The following TBL1Y variants were observed in gnomAD, a reference collection of about 807,000 sequenced individuals.
The protein encoded by TBL1Y is transducin beta like 1 Y-linked, also known as F-box-like/WD repeat-containing protein TBL1Y.
Under a neutral mutation model 12.0 loss-of-function variants are expected in TBL1Y, and 15 were observed. The ratio of observed to expected loss-of-function variants is 1.25; its 90% CI spans 0.83 to 1.92. The LOEUF (loss-of-function observed/expected upper bound fraction) is 1.92. TBL1Y is among the 40% of genes most tolerant of loss of function. The pLI is 0.00. For synonymous variants in TBL1Y, 53 were observed against 42.6 expected (o/e 1.24, Z -0.95); for missense variants, 148 against 116.7 (o/e 1.27, Z -1.24).
intron 4 of TBL1Y, among the ~76,000 whole-genome samples, chrY:6,997,512 A>G (rs1055913067): frequency 5.9e-5 from 2 of 34,099 alleles, no homozygotes; most frequent in Non-Finnish European, 1.5e-4. Flanking sequence ...TTCTTCTAAG[A>G]AAAAATGTCA....
intron 13 of TBL1Y, among the ~76,000 whole-genome samples, chrY:7,080,051 G>GTT (rs1466829965): frequency 7.7e-4 from 3 of 3,919 alleles, no homozygotes; most frequent in Admixed American, 2.4e-3. Context: ...GGGACTGTTT[G>GTT]TTTTTTTTTT....
In TBL1Y at chrY:7,037,739, G is replaced by A. The variant is rs750803848; in HGVS notation, c.59-5241G>A. ...GGCCTGTGGGCCTCAGTTTGCAAACGCATGATGTAGACAATTTAGGAATAG... is the reference window on the plus strand; with the variant it reads ...GGCCTGTGGGCCTCAGTTTGCAAACACATGATGTAGACAATTTAGGAATAG... On this transcript the variant is annotated intron_variant, in intron 6 of 18. Coordinates refer to ENST00000383032, the MANE Select transcript of TBL1Y (RefSeq NM_033284.2). Among the ~76,000 whole-genome samples, 23 of 34,252 alleles carry A rather than the reference G, an allele frequency of 6.7e-4. No individual in the cohort carries two copies. In the South Asian group the frequency reaches 0.015, roughly 22 times the overall value. The allele number at this position is 34,252 out of a possible 37,273, so 91.9% of individuals were successfully genotyped here.
intron 6 of TBL1Y, among the ~76,000 whole-genome samples, chrY:7,036,472 G>T (rs923392068): frequency 1.2e-4 from 4 of 33,675 alleles, no homozygotes; most frequent in African/African-American, 4.6e-4. Flanking sequence ...TGCTGTGAAG[G>T]AGGGCATGCT....
chrY:7,056,674 C>T (rs2124168833), intron 7 of TBL1Y, among the ~76,000 whole-genome samples: 1 of 33,219 alleles, frequency 3.0e-5, no homozygotes, highest in Non-Finnish European at 7.4e-5. Context: ...TTTGACATTC[C>T]GAACAGTGGT....
chrY:6,924,564 G>T, intron 2 of TBL1Y, among the ~76,000 whole-genome samples: 1 of 25,799 alleles, frequency 3.9e-5, no homozygotes, highest in Non-Finnish European at 9.1e-5. Flanking sequence ...CTCCAGTCTG[G>T]GCGACAGAGT....
At chrY:6,946,227 T>C (rs1027972827) in intron 2 of TBL1Y, among the ~76,000 whole-genome samples, 1 of 33,899 alleles carries the variant, frequency 2.9e-5, no homozygotes, top group Non-Finnish European at 7.3e-5. Flanking sequence ...TATCCAAATT[T>C]CAATGGAAAA....
intron 8 of TBL1Y, among the ~76,000 whole-genome samples, chrY:7,065,622 C>T (rs2012977370): frequency 3.0e-5 from 1 of 33,626 alleles, no homozygotes; most frequent in Non-Finnish European, 7.4e-5. Flanking sequence ...ACCTGAAGTT[C>T]AGTTTTATTC....
intron 6 of TBL1Y, among the ~76,000 whole-genome samples, chrY:7,029,257 GTAT>G (rs2012641424): frequency 3.0e-5 from 1 of 32,885 alleles, no homozygotes; most frequent in Non-Finnish European, 7.5e-5. Context: ...GGGAAGGGAG[GTAT>G]GTGTGAAAAG....
At chrY:7,063,060 C>G in intron 7 of TBL1Y, among the ~76,000 whole-genome samples, 1 of 32,469 alleles carries the variant, frequency 3.1e-5, no homozygotes, top group Non-Finnish European at 7.5e-5. Flanking sequence ...CAGGTTATTC[C>G]TCGCACAGGG....
At chrY:6,923,282 G>C in intron 2 of TBL1Y, among the ~76,000 whole-genome samples, 1 of 32,852 alleles carries the variant, frequency 3.0e-5, no homozygotes, top group Non-Finnish European at 7.5e-5. Context: ...AGCCAGGTTG[G>C]TCTCAAACTT....
chrY:6,992,799 T>G (rs1603035289), intron 3 of TBL1Y, among the ~76,000 whole-genome samples: 1 of 33,983 alleles, frequency 2.9e-5, no homozygotes, highest in South Asian at 6.6e-4. Flanking sequence ...ATCCCCTGAC[T>G]CTTTTATTCT....
chrY:7,067,976 A>G (rs2012998221), intron 8 of TBL1Y, among the ~76,000 whole-genome samples: 1 of 33,062 alleles, frequency 3.0e-5, no homozygotes, highest in Non-Finnish European at 7.4e-5. Flanking sequence ...TGCACCTTCT[A>G]CCAACAAACT....
chrY:6,913,699 A>G, intron 2 of TBL1Y, among the ~76,000 whole-genome samples: 1 of 31,311 alleles, frequency 3.2e-5, no homozygotes, highest in Non-Finnish European at 7.6e-5. Flanking sequence ...TTGCTTTTCT[A>G]TCTAGTGTGG....
At chrY:6,986,826 C>T in intron 3 of TBL1Y, among the ~76,000 whole-genome samples, 1 of 32,398 alleles carries the variant, frequency 3.1e-5, no homozygotes, top group African/African-American at 1.2e-4. Context: ...TGAATATGTC[C>T]TGATAAACCC....
At chrY:6,986,651 G>A (rs2124130848) in intron 3 of TBL1Y, among the ~76,000 whole-genome samples, 1 of 30,868 alleles carries the variant, frequency 3.2e-5, no homozygotes, top group East Asian at 8.5e-4. Context: ...GCCAGTCTGA[G>A]TAGAGAGAAT....
At chrY:7,013,496 C>G in intron 4 of TBL1Y, among the ~76,000 whole-genome samples, 1 of 34,573 alleles carries the variant, frequency 2.9e-5, no homozygotes, top group South Asian at 6.4e-4. Context: ...TGCCATTGCT[C>G]CATACATGAG....
At chrY:7,028,544 T>G (rs769767095) in intron 6 of TBL1Y, among the ~76,000 whole-genome samples, 1 of 34,612 alleles carries the variant, frequency 2.9e-5, no homozygotes, top group African/African-American at 1.1e-4. Flanking sequence ...GCCTTTGCCA[T>G]GAGAAGCACT....
intron 2 of TBL1Y, among the ~76,000 whole-genome samples, chrY:6,966,904 T>A: frequency 3.0e-5 from 1 of 33,344 alleles, no homozygotes; most frequent in African/African-American, 1.2e-4. Context: ...CTTGTTTAGA[T>A]GAGATCGGGG....
intron 6 of TBL1Y, among the ~76,000 whole-genome samples, chrY:7,033,917 G>A (rs1335443719): frequency 3.0e-5 from 1 of 33,256 alleles, no homozygotes; most frequent in Non-Finnish European, 7.4e-5. Flanking sequence ...TTGAAAACCT[G>A]CAAGAGAGAA....
Sources: gnomAD v4.1 joint callset for allele counts (sites outside exome capture counted in the v4.1 genomes callset) on GRCh38, gnomAD v4.1.1 for gene constraint, MANE v1.5 for transcripts, NCBI Gene and HGNC (gene_info 2026-07-23, HGNC 2026-07-21) for gene names.